Variants in ADGB observed in about 807,000 individuals in gnomAD.
ADGB encodes the protein calpain-7-like protein.
ADGB carries 172 observed loss-of-function variants against 210.5 expected under a neutral mutation model. The observed-to-expected ratio is 0.82, with a 90% confidence interval of 0.72 to 0.93. The LOEUF is 0.93. Ranked by LOEUF, ADGB falls within the 40% of genes least tolerant of loss-of-function variation. The probability of loss-of-function intolerance (pLI) is 0.00; values close to 1 mark genes in which losing one functional copy is unlikely to be tolerated. For synonymous variants in ADGB, 658 were observed against 662.7 expected, an observed-to-expected ratio of 0.99 and a Z score of 0.11; for missense variants, 2,025 against 1,964.8, an observed-to-expected ratio of 1.03 and a Z score of -0.58.
intron 9 of ADGB, 142 bp from the exon 10 acceptor site, chr6:146,685,592 G>GT: frequency 2.2e-6 from 1 of 462,616 alleles, no homozygotes; most frequent in Non-Finnish European, 3.8e-6. Context: ...TTTAACATCT[G>GT]TTAAATTCAT....
chr6:146,797,924 A>C (rs1046643196), intron 33 of ADGB, among the ~76,000 whole-genome samples: 2 of 152,012 alleles, frequency 1.3e-5, no homozygotes, highest in African/African-American at 4.8e-5. Context: ...ATAATACATA[A>C]ATAAATAAAT....
intron 23 of ADGB, among the ~76,000 whole-genome samples, chr6:146,737,008 C>G (rs954659828): frequency 6.6e-6 from 1 of 151,926 alleles, no homozygotes; most frequent in Non-Finnish European, 1.5e-5. Flanking sequence ...TAACTCATGT[C>G]CAACAGTCAA....
intron 32 of ADGB, among the ~76,000 whole-genome samples, chr6:146,787,895 G>A (rs1272691892): frequency 1.3e-5 from 2 of 151,828 alleles, no homozygotes; most frequent in Admixed American, 6.6e-5. Context: ...TAGGGATCTG[G>A]AACACTGAAT....
intron 20 of ADGB, among the ~76,000 whole-genome samples, chr6:146,732,259 G>C (rs1199079359): frequency 6.6e-6 from 1 of 152,132 alleles, no homozygotes; most frequent in East Asian, 1.9e-4. Flanking sequence ...GACACAGAAA[G>C]CAAACTCATA....
At chr6:146,625,764 T>C (rs1260452792) in intron 1 of ADGB, among the ~76,000 whole-genome samples, 3 of 152,068 alleles carry the variant, frequency 2.0e-5, no homozygotes, top group Non-Finnish European at 4.4e-5. Context: ...ACAGAACCAT[T>C]AACCAGTTAA....
At chr6:146,802,744 C>T (rs1266155561) in intron 35 of ADGB, 7 of 1,512,060 alleles carry the variant, frequency 4.6e-6, no homozygotes, top group Admixed American at 2.0e-5. Context: ...GTAAATTACA[C>T]AGTTCAGGGA....
At chr6:146,799,537 A>G (rs1176343257) in intron 33 of ADGB, among the ~76,000 whole-genome samples, 9 of 24,752 alleles carry the variant, frequency 3.6e-4, no homozygotes, top group African/African-American at 5.7e-4. Context: ...TGGGGGGAGA[A>G]AAAAAAAAAA....
At chr6:146,661,302 C>T (rs945853478) in intron 5 of ADGB, among the ~76,000 whole-genome samples, 3 of 146,268 alleles carry the variant, frequency 2.1e-5, no homozygotes, top group Non-Finnish European at 4.5e-5. Flanking sequence ...CTCACTGCAG[C>T]CTCCACTCCT....
chr6:146,796,643 G>T (rs1193929988), intron 33 of ADGB, among the ~76,000 whole-genome samples: 2 of 152,110 alleles, frequency 1.3e-5, no homozygotes, highest in Non-Finnish European at 2.9e-5. Context: ...AATGGTGCTG[G>T]GATAATTGGC....
Position 146,614,176 on chromosome 6 carries a change from T to TCTCC in ADGB, c.74+15085_74+15088dup, listed in dbSNP as rs147963385. Among the ~76,000 whole-genome samples, 359 of 139,394 alleles carry TCTCC rather than the reference T, an allele frequency of 2.6e-3. 1 individual carries two copies. Among genetic ancestry groups the TCTCC allele is most frequent in the African/African-American group, 9.7e-3 (337 of 34,782 alleles). The allele number at this position is 139,394 out of a possible 152,430, so 91.4% of individuals were successfully genotyped here. On this transcript the variant is annotated intron_variant, in intron 1 of 35. Coordinates refer to ENST00000397944, the MANE Select transcript of ADGB (RefSeq NM_024694.4). ...CCCTTTTATCCCCAAACTTGTTTTC[T>TCTCC]CTCCCTCCCTCCCTCCCTCCCTCCC...
chr6:146,711,232 T>A (rs989999148), intron 13 of ADGB, among the ~76,000 whole-genome samples: 1 of 152,358 alleles, frequency 6.6e-6, no homozygotes, highest in African/African-American at 2.4e-5. Context: ...ATTACTGCAC[T>A]TTTTCCTTTG....
At chr6:146,622,200 A>G (rs563838114) in intron 1 of ADGB, among the ~76,000 whole-genome samples, 119 of 152,254 alleles carry the variant, frequency 7.8e-4, no homozygotes, top group Non-Finnish European at 1.2e-3. Context: ...TGGCTGTAAA[A>G]CATTACCAGG....
At chr6:146,607,183 A>G (rs1780643509) in intron 1 of ADGB, among the ~76,000 whole-genome samples, 1 of 152,010 alleles carries the variant, frequency 6.6e-6, no homozygotes, top group African/African-American at 2.4e-5. Flanking sequence ...TGCATTTTTA[A>G]TTTGGATCTC....
At chr6:146,702,544 G>T (rs1166219492) in intron 13 of ADGB, among the ~76,000 whole-genome samples, 1 of 151,650 alleles carries the variant, frequency 6.6e-6, no homozygotes, top group East Asian at 1.9e-4. Flanking sequence ...TCTGCCCTCC[G>T]TAGGAAACTT....
chr6:146,649,648 G>T (rs1469332576), intron 3 of ADGB, among the ~76,000 whole-genome samples: 1 of 151,660 alleles, frequency 6.6e-6, no homozygotes, highest in South Asian at 2.1e-4. Context: ...ACACCACCAT[G>T]CCCAGATAAT....
Position 146,656,947 on chromosome 6 carries a change from C to A in ADGB, c.579C>A (p.Ser193Arg), listed in dbSNP as rs1243835151. ...AGGGTCATATGCCTTTGTTCAATAG[C>A]TATGGAAAGTATGTTGTGAAACTTT... ...AVKGHMPLFN[S>R]YGKYVVKLYW... is the part of the protein sequence containing the mutation. The change falls in exon 5 of 36, where the codon AGC becomes AGA. Residue 193 changes from serine (S) to arginine (R), a missense_variant. By Grantham distance (110) the Ser-to-Arg change is moderately radical. Transcript: ENST00000397944. The A allele has an allele frequency of 6.4e-7, 1 of 1,551,396 alleles. No homozygotes were observed. The highest frequency in any genetic ancestry group is 1.2e-5 in the South Asian group (1 of 84,028).
At chr6:146,808,004 T>TG (rs929038515) in intron 35 of ADGB, among the ~76,000 whole-genome samples, 7 of 146,848 alleles carry the variant, frequency 4.8e-5, no homozygotes, top group Admixed American at 1.4e-4. Context: ...TTTTTTTTTT[T>TG]TTTTTTTTTT....
intron 12 of ADGB, 123 bp downstream of exon 12, chr6:146,693,038 T>TA: frequency 1.7e-6 from 1 of 580,662 alleles, no homozygotes; most frequent in South Asian, 2.6e-5. Flanking sequence ...TAAGCCCAAA[T>TA]ACATGTAAAA....
At chr6:146,606,866 A>C (rs1409664473) in intron 1 of ADGB, among the ~76,000 whole-genome samples, 2 of 151,980 alleles carry the variant, frequency 1.3e-5, no homozygotes, top group Non-Finnish European at 2.9e-5. Flanking sequence ...TTTGCATAGG[A>C]TCGTCTTGGC....
Sources: gnomAD v4.1 joint callset for allele counts (sites outside exome capture counted in the v4.1 genomes callset) on GRCh38, gnomAD v4.1.1 for gene constraint, MANE v1.5 for transcripts, NCBI Gene and HGNC (gene_info 2026-07-23, HGNC 2026-07-21) for gene names.